The following SEMA3D variants were observed in gnomAD, a reference collection of about 807,000 sequenced individuals.
SEMA3D encodes the protein semaphorin 3D, also known as semaphorin-3D.
Under a neutral mutation model 100.1 loss-of-function variants are expected in SEMA3D, and 84 were observed. The ratio of observed to expected loss-of-function variants is 0.84; its 90% CI spans 0.70 to 1.01. The LOEUF (loss-of-function observed/expected upper bound fraction) is 1.01, where lower values mean the gene tolerates loss of function less well. Among genes scored for constraint, SEMA3D ranks in the 50% least tolerant of loss-of-function variants. SEMA3D has a pLI of 0.00. For missense variants in SEMA3D, 875 were observed against 934.1 expected, an observed-to-expected ratio of 0.94 and a Z score of 0.82; for synonymous variants, 312 against 320.7, an observed-to-expected ratio of 0.97 and a Z score of 0.29.
intron 1 of SEMA3D, among the ~76,000 whole-genome samples, chr7:85,169,281 C>A (rs559411886): frequency 6.6e-6 from 1 of 151,686 alleles, no homozygotes; most frequent in Non-Finnish European, 1.5e-5. Flanking sequence ...TAACAAAATG[C>A]AGCTTGTTGG....
the SEMA3D span, among the ~76,000 whole-genome samples, chr7:85,212,358 CATATTTTAGAGTAACTTGTCTTGA>C: frequency 1.3e-5 from 2 of 152,226 alleles, no homozygotes; most frequent in East Asian, 3.9e-4. Context: ...GCGGACATGC[CATATTTTAGAGTAACTTGTCTTGA>C]ACCCCATCAA....
At chr7:85,244,047 A>G in the SEMA3D span, among the ~76,000 whole-genome samples, 1 of 152,212 alleles carries the variant, frequency 6.6e-6, no homozygotes, top group Non-Finnish European at 1.5e-5. Flanking sequence ...TTGTTATAAG[A>G]GAATACCCAA....
the SEMA3D span, among the ~76,000 whole-genome samples, chr7:85,195,454 A>G: frequency 6.6e-6 from 1 of 151,384 alleles, no homozygotes; most frequent in Non-Finnish European, 1.5e-5. Context: ...TTTTTTTGAG[A>G]CAGTGTCACC....
intron 2 of SEMA3D, among the ~76,000 whole-genome samples, chr7:85,134,724 G>T: frequency 6.6e-6 from 1 of 152,012 alleles, no homozygotes; most frequent in Admixed American, 6.6e-5. Flanking sequence ...AATGAAAGAA[G>T]AACTCAGTCT....
the SEMA3D span, among the ~76,000 whole-genome samples, chr7:85,205,306 A>G: frequency 6.6e-6 from 1 of 152,148 alleles, no homozygotes; most frequent in East Asian, 1.9e-4. Context: ...AATTGTTTAA[A>G]AAGTAGATTT....
chr7:85,133,209 G>A (rs1179658173), intron 2 of SEMA3D, among the ~76,000 whole-genome samples: 3 of 151,592 alleles, frequency 2.0e-5, no homozygotes, highest in Admixed American at 6.6e-5. Flanking sequence ...CACCCTTATC[G>A]CCCTCCTTAT....
intron 2 of SEMA3D, among the ~76,000 whole-genome samples, chr7:85,153,339 A>G (rs890289904): frequency 7.2e-5 from 11 of 152,204 alleles, no homozygotes; most frequent in Non-Finnish European, 1.6e-4. Context: ...ATGATACAGC[A>G]GAGACCCAAT....
chr7:85,090,235 T>C (rs896388340), intron 4 of SEMA3D, among the ~76,000 whole-genome samples: 10 of 152,122 alleles, frequency 6.6e-5, no homozygotes, highest in African/African-American at 1.9e-4. Context: ...TCCCATAGAA[T>C]TGGACACAGA....
intron 3 of SEMA3D, among the ~76,000 whole-genome samples, chr7:85,107,796 A>G (rs1313134098): frequency 6.6e-6 from 1 of 152,072 alleles, no homozygotes; most frequent in Non-Finnish European, 1.5e-5. Flanking sequence ...TTAAAGCCTT[A>G]TAGATTTTAT....
chr7:85,195,163 G>A, the SEMA3D span, among the ~76,000 whole-genome samples: 1 of 152,236 alleles, frequency 6.6e-6, no homozygotes, highest in East Asian at 1.9e-4. Context: ...TTGTATCTGT[G>A]AAATACCTAC....
rs577503012 is a variant in SEMA3D, at chr7:85,171,984, T to G, written c.-173+14694A>C. ...GGGTGTGTGTGTGGGTGTGTGTGTG[T>G]ATATGTTTATAATATATATAGAGAG... is the stretch of plus-strand genomic sequence containing the variant. On this transcript the variant is annotated intron_variant, in intron 1 of 18. Transcript: ENST00000284136. Among the ~76,000 whole-genome samples, 1,037 of 151,780 alleles carry G rather than the reference T, an allele frequency of 6.8e-3. 15 individuals are homozygous for G. Among genetic ancestry groups the G allele is most frequent in the African/African-American group, 0.024 (995 of 41,430 alleles).
chr7:85,202,072 T>C, the SEMA3D span, among the ~76,000 whole-genome samples: 1 of 151,842 alleles, frequency 6.6e-6, no homozygotes, highest in African/African-American at 2.4e-5. Context: ...TTTTTTATTA[T>C]TATACTTTAA....
At chr7:85,129,472 C>A (rs912091311) in intron 2 of SEMA3D, among the ~76,000 whole-genome samples, 128 of 151,984 alleles carry the variant, frequency 8.4e-4, no homozygotes, top group African/African-American at 3.0e-3. Flanking sequence ...TTATTTAATA[C>A]ATATCTTATC....
At chr7:85,009,957 A>C (rs1263626194) in intron 17 of SEMA3D, among the ~76,000 whole-genome samples, 2 of 151,844 alleles carry the variant, frequency 1.3e-5, no homozygotes, top group African/African-American at 4.8e-5. Flanking sequence ...ATGAATAAAA[A>C]AGGAATATCT....
At chr7:85,242,035 C>A in the SEMA3D span, among the ~76,000 whole-genome samples, 1 of 151,430 alleles carries the variant, frequency 6.6e-6, no homozygotes, top group East Asian at 1.9e-4. Context: ...AATAGAGCTA[C>A]CATAAAAAAA....
At chr7:85,132,731 C>A (rs757103977) in intron 2 of SEMA3D, among the ~76,000 whole-genome samples, 3 of 151,646 alleles carry the variant, frequency 2.0e-5, no homozygotes, top group Non-Finnish European at 2.9e-5. Flanking sequence ...ATAATTAATA[C>A]AAGTTTTATA....
At chr7:85,106,532 A>C (rs1562820719) in intron 3 of SEMA3D, among the ~76,000 whole-genome samples, 1 of 152,138 alleles carries the variant, frequency 6.6e-6, no homozygotes, top group African/African-American at 2.4e-5. Flanking sequence ...GTTTTATAAA[A>C]TTAATTCTAT....
At chr7:85,044,398 G>C (rs1415526613) in intron 9 of SEMA3D, among the ~76,000 whole-genome samples, 1 of 151,962 alleles carries the variant, frequency 6.6e-6, no homozygotes, top group Non-Finnish European at 1.5e-5. Context: ...CTAAACAAAA[G>C]ATACATTTTC....
the SEMA3D span, among the ~76,000 whole-genome samples, chr7:85,203,211 G>A: frequency 1.3e-5 from 2 of 152,078 alleles, no homozygotes; most frequent in Admixed American, 1.3e-4. Flanking sequence ...GAAGAGTGTG[G>A]GTGTGGTAGT....
Sources: allele counts gnomAD v4.1 joint callset (sites outside exome capture counted in the v4.1 genomes callset), GRCh38; gene constraint gnomAD v4.1.1; transcripts MANE v1.5; gene names NCBI Gene and HGNC (gene_info 2026-07-23, HGNC 2026-07-21).